SPTLC3: variants seen among roughly 807,000 people sequenced by gnomAD.
SPTLC3 encodes serine palmitoyltransferase 3.
Under a neutral mutation model 59.3 loss-of-function variants are expected in SPTLC3, and 36 were observed. The observed-to-expected ratio is 0.61, with a 90% CI of 0.47 to 0.80. The LOEUF is 0.80. Among genes scored for constraint, SPTLC3 ranks in the 30% least tolerant of loss-of-function variants. The pLI is 0.00. For missense variants in SPTLC3, 625 were observed against 685.1 expected (o/e 0.91, Z 0.98); for synonymous variants, 257 against 240.8 (o/e 1.07, Z -0.62).
chr20:13,095,248 T>C (rs1441050993), intron 6 of SPTLC3, among the ~76,000 whole-genome samples: 1 of 152,232 alleles, frequency 6.6e-6, no homozygotes, highest in Non-Finnish European at 1.5e-5. Context: ...TGTAGTTCCA[T>C]CTATGTATGT....
intron 1 of SPTLC3, among the ~76,000 whole-genome samples, chr20:13,045,379 T>C (rs1158572238): frequency 6.6e-6 from 1 of 152,238 alleles, no homozygotes; most frequent in Non-Finnish European, 1.5e-5. Flanking sequence ...AAGTGCTTAA[T>C]AAATGCAAAC....
chr20:13,136,030 G>A (rs1413660378), intron 9 of SPTLC3, among the ~76,000 whole-genome samples: 1 of 152,216 alleles, frequency 6.6e-6, no homozygotes, highest in Admixed American at 6.5e-5. Flanking sequence ...AATTACTAAT[G>A]TGTAATATCT....
chr20:13,088,030 A>G (rs1248606799), intron 4 of SPTLC3, among the ~76,000 whole-genome samples: 1 of 152,184 alleles, frequency 6.6e-6, no homozygotes, highest in Non-Finnish European at 1.5e-5. Flanking sequence ...GAGTCCACAC[A>G]GCTGGTAATA....
At chr20:13,097,512 G>A (rs536917310) in intron 6 of SPTLC3, among the ~76,000 whole-genome samples, 5 of 151,982 alleles carry the variant, frequency 3.3e-5, no homozygotes, top group Admixed American at 6.6e-5. Context: ...TCTGAAGATC[G>A]TCTGTCTCTA....
At chr20:13,065,356 T>C (rs1410919624) in intron 2 of SPTLC3, among the ~76,000 whole-genome samples, 10 of 151,794 alleles carry the variant, frequency 6.6e-5, no homozygotes, top group Non-Finnish European at 1.2e-4. Context: ...TTTTTCCTTT[T>C]ATTATGCTTT....
intron 4 of SPTLC3, among the ~76,000 whole-genome samples, chr20:13,082,094 A>T (rs3848773): frequency 0.19 from 28,343 of 152,142 alleles, 2,779 homozygotes; most frequent in East Asian, 0.28. Flanking sequence ...GCACAATTCA[A>T]CAAGATATGA....
intron 2 of SPTLC3, among the ~76,000 whole-genome samples, chr20:13,065,819 A>G (rs914528434): frequency 1.3e-4 from 13 of 103,552 alleles, no homozygotes; most frequent in African/African-American, 3.6e-4. Flanking sequence ...ATAGTGTACA[A>G]TATGATGCTT....
intron 9 of SPTLC3, 34 bp downstream of exon 9, chr20:13,126,751 C>T: frequency 6.2e-7 from 1 of 1,611,486 alleles, no homozygotes; most frequent in Non-Finnish European, 8.5e-7. Context: ...AGCTCCTGGA[C>T]CTCTCTGTCT....
intron 7 of SPTLC3, among the ~76,000 whole-genome samples, chr20:13,115,976 C>T (rs1046293334): frequency 6.6e-6 from 1 of 152,172 alleles, no homozygotes; most frequent in Non-Finnish European, 1.5e-5. Context: ...ACAATTTTAA[C>T]AAGCAATTAA....
At chr20:13,155,829 A>AAAT (rs1005510598) in intron 10 of SPTLC3, among the ~76,000 whole-genome samples, 2 of 152,126 alleles carry the variant, frequency 1.3e-5, no homozygotes, top group Non-Finnish European at 2.9e-5. Context: ...CCGTCTAAAA[A>AAAT]AATAATAATA....
At chr20:13,042,325 C>G (rs1260010882) in intron 1 of SPTLC3, among the ~76,000 whole-genome samples, 1 of 152,186 alleles carries the variant, frequency 6.6e-6, no homozygotes, top group Admixed American at 6.5e-5. Flanking sequence ...CTGGAGCTCT[C>G]TCTCCCACTG....
chr20:13,054,786 A>G (rs568605775), intron 2 of SPTLC3, among the ~76,000 whole-genome samples: 2 of 152,358 alleles, frequency 1.3e-5, no homozygotes, highest in South Asian at 4.2e-4. Flanking sequence ...ATACTGTAAC[A>G]TCTTCAGTTT....
At chr20:13,126,938 C>T (rs559978996) in intron 9 of SPTLC3, among the ~76,000 whole-genome samples, 9 of 152,312 alleles carry the variant, frequency 5.9e-5, no homozygotes, top group South Asian at 2.1e-4. Context: ...CAGCAAATTT[C>T]GATAATTTTG....
intron 1 of SPTLC3, among the ~76,000 whole-genome samples, chr20:13,017,366 T>C (rs1985584627): frequency 6.6e-6 from 1 of 152,204 alleles, no homozygotes; most frequent in Non-Finnish European, 1.5e-5. Flanking sequence ...CTCTGAGTCA[T>C]GTGGACTCAC....
intron 1 of SPTLC3, among the ~76,000 whole-genome samples, chr20:13,047,100 T>C (rs1361581827): frequency 1.3e-5 from 2 of 152,186 alleles, no homozygotes; most frequent in South Asian, 2.1e-4. Context: ...AAATTTTAGA[T>C]ATCACTATAA....
chr20:13,137,794 C>T (rs1044630482), intron 9 of SPTLC3, among the ~76,000 whole-genome samples: 4 of 152,188 alleles, frequency 2.6e-5, no homozygotes, highest in African/African-American at 9.7e-5. Flanking sequence ...TCCGTGATTT[C>T]CCAGAGACTT....
intron 4 of SPTLC3, among the ~76,000 whole-genome samples, chr20:13,082,552 A>G (rs544880815): frequency 7.1e-6 from 1 of 140,156 alleles, no homozygotes; most frequent in South Asian, 2.2e-4. Flanking sequence ...CACACCCACT[A>G]TTTTGTGTAT....
At chr20:13,071,931 T>A (rs552483782) in intron 2 of SPTLC3, among the ~76,000 whole-genome samples, 49 of 152,272 alleles carry the variant, frequency 3.2e-4, no homozygotes, top group Non-Finnish European at 4.7e-4. Flanking sequence ...ATCTCAACCA[T>A]TTTTTTCCAA....
Position 13,167,699 on chromosome 20 carries a change from A to T in SPTLC3, c.*2832A>T, listed in dbSNP as rs2039001160. The T allele has an allele frequency of 6.6e-6, 1 of 152,198 alleles. No individual in the cohort carries two copies. The highest frequency in any genetic ancestry group is 2.4e-5 in the African/African-American group (1 of 41,442). The allele number at this position is 152,198 out of a possible 1,614,324, so 9.4% of individuals were successfully genotyped here. A position where few individuals can be genotyped will look rare whatever the true frequency, so the allele number is the denominator to read the frequency against. ...ACGTTTAACCATATTGCCTTTCAGC[A>T]TGCTTTGATTTTACAGAGACGACAG... is the stretch of plus-strand genomic sequence containing the variant. On this transcript the variant is annotated 3_prime_UTR_variant, in exon 12 of 12. Coordinates refer to ENST00000399002, the MANE Select transcript of SPTLC3 (RefSeq NM_018327.4).
Sources: gnomAD v4.1 joint callset for allele counts (sites outside exome capture counted in the v4.1 genomes callset) on GRCh38, gnomAD v4.1.1 for gene constraint, MANE v1.5 for transcripts, NCBI Gene and HGNC (gene_info 2026-07-23, HGNC 2026-07-21) for gene names.